The following RANBP2 variants were observed in gnomAD, a reference collection of about 807,000 sequenced individuals.
RANBP2 encodes the protein RAN binding protein 2.
Under a neutral mutation model 303.6 loss-of-function variants are expected in RANBP2, and 57 were observed. The observed-to-expected ratio is 0.19, with a 90% CI of 0.15 to 0.23. RANBP2 has a LOEUF of 0.23. RANBP2 is among the 10% of genes least tolerant of loss of function. The pLI is 1.00. For missense variants in RANBP2, 3,138 were observed against 3,780.8 expected (o/e 0.83, Z 4.46); for synonymous variants, 1,167 against 1,301.5 (o/e 0.90, Z 2.23).
chr2:109,219,192 G>C, the RANBP2 span, among the ~76,000 whole-genome samples: 1 of 152,204 alleles, frequency 6.6e-6, no homozygotes, highest in Non-Finnish European at 1.5e-5. Context: ...AGCATGGGAG[G>C]ATCCTGAACT....
chr2:109,579,892 G>A, the RANBP2 span, among the ~76,000 whole-genome samples: 115 of 151,916 alleles, frequency 7.6e-4, 2 homozygotes, highest in East Asian at 0.021. Context: ...AAGCTAAGGC[G>A]TGTGGATCAC....
At chr2:109,257,683 A>G in the RANBP2 span, among the ~76,000 whole-genome samples, 1 of 152,074 alleles carries the variant, frequency 6.6e-6, no homozygotes, top group East Asian at 1.9e-4. Flanking sequence ...AGCCACTGAC[A>G]CGTTCATTAC....
chr2:109,427,510 A>G, the RANBP2 span, among the ~76,000 whole-genome samples: 3 of 152,150 alleles, frequency 2.0e-5, no homozygotes, highest in East Asian at 1.9e-4. Flanking sequence ...GCCTTACACC[A>G]GGAGCTCCAG....
the RANBP2 span, among the ~76,000 whole-genome samples, chr2:109,201,690 C>G: frequency 6.6e-6 from 1 of 152,358 alleles, no homozygotes; most frequent in Non-Finnish European, 1.5e-5. Flanking sequence ...CCGTCAGCAG[C>G]ATGGGAAACG....
At chr2:109,740,367 C>A in the RANBP2 span, among the ~76,000 whole-genome samples, 1 of 152,096 alleles carries the variant, frequency 6.6e-6, no homozygotes, top group Non-Finnish European at 1.5e-5. Context: ...GTAGATGAAT[C>A]AATTATAACA....
At chr2:109,025,918 T>C in the RANBP2 span, among the ~76,000 whole-genome samples, 1 of 152,088 alleles carries the variant, frequency 6.6e-6, no homozygotes, top group Non-Finnish European at 1.5e-5. Context: ...GGACGACGTG[T>C]CCCATTTGGC....
the RANBP2 span, among the ~76,000 whole-genome samples, chr2:109,195,140 T>C: frequency 6.6e-6 from 1 of 152,032 alleles, no homozygotes; most frequent in Admixed American, 6.5e-5. Context: ...TAAAAACTAA[T>C]AGGAAAAAAA....
At chr2:109,544,442 G>GA in the RANBP2 span, 7 of 1,399,082 alleles carry the variant, frequency 5.0e-6, no homozygotes, top group Middle Eastern at 5.4e-4. Flanking sequence ...AAAAAGAAAA[G>GA]AAAAAACCAA....
the RANBP2 span, among the ~76,000 whole-genome samples, chr2:108,824,237 T>C: frequency 1.3e-5 from 2 of 152,334 alleles, no homozygotes; most frequent in South Asian, 4.1e-4. Context: ...CTTTTTAGTT[T>C]TTTTAACTTT....
chr2:109,129,491 C>G, the RANBP2 span: 2 of 1,494,386 alleles, frequency 1.3e-6, no homozygotes, highest in East Asian at 2.8e-5. Context: ...GGCTCCACGC[C>G]GGCCCCGGGA....
chr2:109,129,673 G>A, the RANBP2 span: 1 of 1,520,406 alleles, frequency 6.6e-7, no homozygotes, highest in Non-Finnish European at 8.8e-7. Flanking sequence ...GGCGGGCGAG[G>A]ACATGGACGA....
intron 1 of RANBP2, among the ~76,000 whole-genome samples, chr2:108,721,542 G>A: frequency 6.6e-6 from 1 of 152,148 alleles, no homozygotes; most frequent in Non-Finnish European, 1.5e-5. Context: ...CCCAGCTCAA[G>A]CGATGCTCCC....
the RANBP2 span, among the ~76,000 whole-genome samples, chr2:109,253,273 C>T: frequency 6.6e-6 from 1 of 152,342 alleles, no homozygotes; most frequent in Non-Finnish European, 1.5e-5. Flanking sequence ...CCTGCCTCAG[C>T]CTCCCAAAGT....
chr2:109,354,295 G>A, the RANBP2 span, among the ~76,000 whole-genome samples: 1 of 152,222 alleles, frequency 6.6e-6, no homozygotes. Context: ...CACCCTGCAG[G>A]CCCAGAGGCT....
the RANBP2 span, among the ~76,000 whole-genome samples, chr2:109,294,694 C>T: frequency 2.0e-5 from 3 of 152,186 alleles, no homozygotes; most frequent in South Asian, 6.2e-4. Flanking sequence ...GGGCTGGGCT[C>T]AGCTGGGAGG....
the RANBP2 span, chr2:109,490,459 T>TG: frequency 1.5e-6 from 1 of 670,034 alleles, no homozygotes; most frequent in African/African-American, 1.8e-5. Flanking sequence ...CTACTGCTGT[T>TG]GCTGTGAGTG....
At position 108,782,394 on chromosome 2, in the gene RANBP2, T is replaced by G; in HGVS notation, c.9027T>G (p.Asp3009Glu). The G allele has an allele frequency of 6.2e-7, 1 of 1,613,976 alleles. No homozygotes were observed. Among genetic ancestry groups the G allele is most frequent in the Non-Finnish European group, 8.5e-7 (1 of 1,180,016 alleles). ...ATGCTTTAGTTTGGACTGCCTCAGA[T>G]TATGCTGGTGAGTTTTTACATTCAA... ...SNNALVWTAS[D>E]YADGEAKVEQ... The change falls in exon 27 of 29, where the codon GAT becomes GAG. Residue 3009 changes from aspartate to glutamate, a missense_variant. By Grantham distance (45) the Asp-to-Glu change is conservative (BLOSUM62 2). Coordinates refer to ENST00000283195, the MANE Select transcript of RANBP2 (RefSeq NM_006267.5).
At chr2:109,564,033 C>T in the RANBP2 span, among the ~76,000 whole-genome samples, 1 of 152,158 alleles carries the variant, frequency 6.6e-6, no homozygotes, top group Non-Finnish European at 1.5e-5. Context: ...AATATATCAT[C>T]GTCTCAGATA....
chr2:109,101,235 C>A, the RANBP2 span, among the ~76,000 whole-genome samples: 1 of 152,018 alleles, frequency 6.6e-6, no homozygotes, highest in Admixed American at 6.6e-5. Flanking sequence ...TGTAGAAAAA[C>A]CCCATAGTGG....
Sources: allele counts gnomAD v4.1 joint callset (sites outside exome capture counted in the v4.1 genomes callset), GRCh38; gene constraint gnomAD v4.1.1; transcripts MANE v1.5; gene names NCBI Gene and HGNC (gene_info 2026-07-23, HGNC 2026-07-21).